The following BMPR2 variants were observed in gnomAD, a reference collection of about 807,000 sequenced individuals.
BMPR2 encodes the protein bone morphogenetic protein receptor type-2.
In BMPR2, 29 loss-of-function variants were observed where a neutral mutation model predicts 100.8. The observed-to-expected ratio is 0.29, with a 90% CI of 0.21 to 0.39. The LOEUF (loss-of-function observed/expected upper bound fraction) is 0.39. Ranked by LOEUF, BMPR2 falls within the 10% of genes least tolerant of loss-of-function variation. BMPR2 has a pLI of 1.00. For synonymous variants in BMPR2, 382 were observed against 442.3 expected, an observed-to-expected ratio of 0.86 and a Z score of 1.71; for missense variants, 1,011 against 1,274.5, an observed-to-expected ratio of 0.79 and a Z score of 3.15.
chr2:202,556,396 T>G lies in BMPR2; in HGVS notation c.2731T>G (p.Ser911Ala), dbSNP rs745824820. The part of the protein sequence containing the change: ...NSNNNNSNPC[S>A]EQDVLAQGVP... ...CAATAACAACAACAGCAATCCATGTTCAGAACAAGATGTTCTTGCACAGGG... is the reference window on the plus strand; with the variant it reads ...CAATAACAACAACAGCAATCCATGTGCAGAACAAGATGTTCTTGCACAGGG... Residue 911 changes from serine (S) to alanine (A), a missense_variant, in exon 12 of 13, where the codon TCA becomes GCA. Physicochemically the swap from Ser to Ala is moderately conservative, Grantham distance 99 (BLOSUM62 1). Around this residue, in one of 6 missense-constraint regions of BMPR2, gnomAD observed 508 missense variants for 552.0 expected, o/e 0.92. Transcript: ENST00000374580. 4.6e-5 allele frequency: 74 copies of G among 1,614,076 alleles called. No homozygotes were observed. Among genetic ancestry groups the G allele is most frequent in the Non-Finnish European group, 6.0e-5 (71 of 1,180,058 alleles).
intron 1 of BMPR2, among the ~76,000 whole-genome samples, chr2:202,398,127 C>A (rs1439247737): frequency 6.6e-6 from 1 of 150,704 alleles, no homozygotes; most frequent in African/African-American, 2.4e-5. Flanking sequence ...AAAAAAAAAT[C>A]TATACTTACC....
At chr2:202,474,988 C>G (rs1204259434) in intron 3 of BMPR2, 2 of 152,120 alleles carry the variant, frequency 1.3e-5, no homozygotes, top group Admixed American at 6.5e-5. Flanking sequence ...AGTCTCTACA[C>G]CCATATACAA....
At chr2:202,452,024 G>T (rs938926194) in intron 1 of BMPR2, among the ~76,000 whole-genome samples, 3 of 152,082 alleles carry the variant, frequency 2.0e-5, no homozygotes, top group African/African-American at 7.2e-5. Context: ...CAAGTGCTGG[G>T]ATTACAGTCG....
chr2:202,495,405 G>A lies in BMPR2; in HGVS notation c.419-18314G>A, dbSNP rs13005457. Reference sequence around the variant, plus strand: ...GTCGTTCTGTCGACGGCCTGCCGGCGTGCGGGTGCCTATCGTTGTGCTCTT... The same window carrying A: ...GTCGTTCTGTCGACGGCCTGCCGGCATGCGGGTGCCTATCGTTGTGCTCTT... On this transcript the variant is annotated intron_variant, in intron 3 of 12. Coordinates refer to ENST00000374580, the MANE Select transcript of BMPR2 (RefSeq NM_001204.7). The surrounding 1 kb of genome is among the most constrained non-coding windows in gnomAD (Gnocchi z 4.5). Among the ~76,000 whole-genome samples, 18,085 of 152,192 alleles carry A rather than the reference G, an allele frequency of 0.12. 1,192 individuals carry two copies. Among genetic ancestry groups the A allele is most frequent in the Admixed American group, 0.14 (2,068 of 15,282 alleles).
intron 10 of BMPR2, among the ~76,000 whole-genome samples, chr2:202,544,487 C>CTACA (rs1688337777): frequency 6.6e-6 from 1 of 152,206 alleles, no homozygotes; most frequent in Non-Finnish European, 1.5e-5. Context: ...CTACAATCTC[C>CTACA]ATGTGCTCTA....
In BMPR2 at chr2:202,552,703, C is replaced by G. The variant is rs1688501943; in HGVS notation, c.1414-13C>G. The G allele has an allele frequency of 1.2e-6, 2 of 1,613,532 alleles. No individual in the cohort carries two copies. Among genetic ancestry groups the G allele is most frequent in the Non-Finnish European group, 1.7e-6 (2 of 1,179,790 alleles). On this transcript the variant is annotated splice_polypyrimidine_tract_variant and intron_variant, in intron 10 of 12. Coordinates refer to ENST00000374580, the MANE Select transcript of BMPR2 (RefSeq NM_001204.7). Reference sequence around the variant, plus strand: ...TTAAAGACACATGGTTTGACATGTACTTTGTCTTACAGGCAGTGAGGTCAC... The same window carrying G: ...TTAAAGACACATGGTTTGACATGTAGTTTGTCTTACAGGCAGTGAGGTCAC...
chr2:202,449,223 G>A (rs752532187), intron 1 of BMPR2, among the ~76,000 whole-genome samples: 11 of 151,814 alleles, frequency 7.2e-5, no homozygotes, highest in South Asian at 2.1e-4. Flanking sequence ...CAGGAGAATC[G>A]CTTGAAACCG....
At chr2:202,552,485 T>G (rs1688497094) in intron 10 of BMPR2, among the ~76,000 whole-genome samples, 1 of 152,204 alleles carries the variant, frequency 6.6e-6, no homozygotes. Flanking sequence ...TATTGTTGCT[T>G]TTACTTTTAT....
In BMPR2 at chr2:202,564,276, A is replaced by G. The variant is rs1419338571; in HGVS notation, c.*4330A>G. On this transcript the variant is annotated 3_prime_UTR_variant, in exon 13 of 13. Coordinates refer to ENST00000374580, the MANE Select transcript of BMPR2 (RefSeq NM_001204.7). ...AGATTATATTTCCATACAACATTTT[A>G]TAAAGTTATGTTGAACTTACTACCT... is the stretch of plus-strand genomic sequence containing the variant. 2 of 152,246 alleles carry G rather than the reference A, an allele frequency of 1.3e-5. No individual in the cohort carries two copies. Among genetic ancestry groups the G allele is most frequent in the African/African-American group, 2.4e-5 (1 of 41,472 alleles). The allele number at this position is 152,246 out of a possible 1,614,324, so 9.4% of individuals were successfully genotyped here. A position where few individuals can be genotyped will look rare whatever the true frequency, so the allele number is the denominator to read the frequency against.
intron 1 of BMPR2, among the ~76,000 whole-genome samples, chr2:202,405,748 T>C (rs1037281468): frequency 2.8e-5 from 4 of 143,222 alleles, no homozygotes; most frequent in Non-Finnish European, 6.1e-5. Flanking sequence ...CTAAAATATA[T>C]ACCTTTTTTC....
intron 9 of BMPR2, among the ~76,000 whole-genome samples, chr2:202,535,009 G>A (rs1386549640): frequency 7.3e-6 from 1 of 137,002 alleles, no homozygotes; most frequent in Non-Finnish European, 1.6e-5. Context: ...CTCCCTCCCG[G>A]ACGGGTCGGC....
chr2:202,566,766 T>C lies in BMPR2; in HGVS notation c.*6820T>C, dbSNP rs1462794955. ...GAGAAAATAACCTGTATTTATCACA[T>C]TGTCAAACAGAATTTTTCTTTGAAT... On this transcript the variant is annotated 3_prime_UTR_variant, in exon 13 of 13. Coordinates refer to ENST00000374580, the MANE Select transcript of BMPR2 (RefSeq NM_001204.7). 6.6e-5 allele frequency: 10 copies of C among 152,206 alleles called. No individual in the cohort carries two copies. Among genetic ancestry groups the C allele is most frequent in the Admixed American group, 5.2e-4 (8 of 15,288 alleles). The allele number at this position is 152,206 out of a possible 1,614,324, so 9.4% of individuals were successfully genotyped here. A position where few individuals can be genotyped will look rare whatever the true frequency, so the allele number is the denominator to read the frequency against.
intron 4 of BMPR2, 145 bp downstream of exon 4, chr2:202,513,974 A>T: frequency 1.7e-6 from 1 of 595,560 alleles, no homozygotes; most frequent in Non-Finnish European, 2.9e-6. Context: ...ACGTATGGAC[A>T]GTATTGTTTC....
intron 7 of BMPR2, among the ~76,000 whole-genome samples, chr2:202,524,084 C>T (rs114786323): frequency 0.011 from 1,660 of 152,158 alleles, 32 homozygotes; most frequent in African/African-American, 0.038. Context: ...CTGTTGGGGC[C>T]GGACGCGGTG....
intron 1 of BMPR2, among the ~76,000 whole-genome samples, chr2:202,415,427 C>T (rs933493433): frequency 1.2e-4 from 19 of 152,106 alleles, no homozygotes; most frequent in African/African-American, 3.9e-4. Flanking sequence ...GCCAAGTTTG[C>T]GCCATTGCAC....
intron 7 of BMPR2, among the ~76,000 whole-genome samples, chr2:202,521,905 A>C (rs1398442597): frequency 6.6e-6 from 1 of 152,218 alleles, no homozygotes; most frequent in African/African-American, 2.4e-5. Flanking sequence ...CTGTAATCCC[A>C]ACACTTTGAA....
At chr2:202,417,717 CTT>C (rs796968681) in intron 1 of BMPR2, among the ~76,000 whole-genome samples, 1 of 144,962 alleles carries the variant, frequency 6.9e-6, no homozygotes, top group Admixed American at 7.0e-5. Context: ...TTCTATATTC[CTT>C]TTTTTTTTTT....
chr2:202,414,174 T>C (rs968576592), intron 1 of BMPR2, among the ~76,000 whole-genome samples: 1 of 152,212 alleles, frequency 6.6e-6, no homozygotes, highest in African/African-American at 2.4e-5. Context: ...TCTTGCAATG[T>C]TGCAAACATT....
At chr2:202,508,246 C>T (rs888859615) in intron 3 of BMPR2, among the ~76,000 whole-genome samples, 62 of 151,902 alleles carry the variant, frequency 4.1e-4, no homozygotes, top group African/African-American at 1.5e-3. Context: ...GCACGCACCA[C>T]CACACCTGGC....
Sources: allele counts gnomAD v4.1 joint callset (sites outside exome capture counted in the v4.1 genomes callset), GRCh38; gene constraint gnomAD v4.1.1; regional missense constraint gnomAD v4.1.1; non-coding constraint Gnocchi (gnomAD v3.1); transcripts MANE v1.5; gene names NCBI Gene and HGNC (gene_info 2026-07-23, HGNC 2026-07-21).